Variants in RPE observed in about 807,000 individuals in gnomAD.
The protein encoded by RPE is ribulose-5-phosphate-3-epimerase, also known as ribulose-phosphate 3-epimerase.
A neutral mutation model predicts 24.6 loss-of-function variants in RPE; 16 were observed. The observed-to-expected ratio is 0.65, with a 90% CI of 0.44 to 0.99. The LOEUF (loss-of-function observed/expected upper bound fraction) is 0.99. Ranked by LOEUF, RPE falls within the 50% of genes least tolerant of loss-of-function variation. RPE has a pLI of 0.00. For synonymous variants in RPE, 93 were observed against 98.4 expected, an observed-to-expected ratio of 0.94 and a Z score of 0.33; for missense variants, 240 against 294.5, an observed-to-expected ratio of 0.81 and a Z score of 1.35.
chr2:210,008,301 T>G (rs1317142778), intron 1 of RPE, among the ~76,000 whole-genome samples: 5 of 150,318 alleles, frequency 3.3e-5, no homozygotes, highest in Middle Eastern at 3.4e-3. Flanking sequence ...TGTTTTTTTT[T>G]TTTTTTTTTT....
chr2:210,018,167 A>AT (rs2093804923), intron 5 of RPE: 1 of 1,534,838 alleles, frequency 6.5e-7, no homozygotes, highest in Non-Finnish European at 8.7e-7. Context: ...TTGGAAGATC[A>AT]TTAAGTTTCA....
chr2:210,013,906 G>A (rs1482962195), intron 2 of RPE, among the ~76,000 whole-genome samples: 1 of 152,122 alleles, frequency 6.6e-6, no homozygotes, highest in East Asian at 1.9e-4. Flanking sequence ...TATAATAGAT[G>A]ATAGAATGAT....
In RPE at chr2:210,019,821, T is replaced by G. The variant is rs2093834972; in HGVS notation, c.*30T>G. The G allele has an allele frequency of 1.2e-6, 2 of 1,600,750 alleles. No homozygotes were observed. Among genetic ancestry groups the G allele is most frequent in the Admixed American group, 3.5e-5 (2 of 57,786 alleles). On this transcript the variant is annotated 3_prime_UTR_variant, in exon 6 of 6. Coordinates refer to ENST00000359429, the MANE Select transcript of RPE (RefSeq NM_199229.3). Reference sequence around the variant, plus strand: ...ATAAGGAGCCCAGTGTTCCTGTTCATGAAATCTCCCTTTTACTGGAAAACA... The same window carrying G: ...ATAAGGAGCCCAGTGTTCCTGTTCAGGAAATCTCCCTTTTACTGGAAAACA...
In RPE at chr2:210,017,493, G is replaced by T. The variant is rs780210815; in HGVS notation, c.498G>T (p.Gln166His). ...MMPKVHWLRT[Q>H]FPSLDIEVDG... is the part of the protein sequence containing the mutation. ...TCTAGGTTCACTGGTTGAGGACCCA[G>T]TTCCCATCTTTGGATATAGAGGTCG... The change falls in exon 5 of 6, where the codon CAG becomes CAT. Residue 166 changes from glutamine to histidine, a missense_variant. Physicochemically the swap from Gln to His is conservative, Grantham distance 24. Transcript: ENST00000359429. 2.0e-6 allele frequency: 3 copies of T among 1,515,078 alleles called. No homozygotes were observed. The highest frequency in any genetic ancestry group is 2.2e-5 in the South Asian group (2 of 89,566). 93.9% of individuals were successfully genotyped at this position (1,515,078 alleles called of 1,614,324 possible).
intron 2 of RPE, among the ~76,000 whole-genome samples, chr2:210,015,362 G>A (rs1434751072): frequency 6.6e-6 from 1 of 152,190 alleles, no homozygotes; most frequent in Admixed American, 6.5e-5. Flanking sequence ...GCAGAATGCT[G>A]AAGGGTTTCT....
intron 5 of RPE, chr2:210,018,721 A>G: frequency 1.0e-6 from 1 of 985,126 alleles, no homozygotes. Context: ...GAGGTAGCAA[A>G]TTTTTTGTGT....
intron 1 of RPE, among the ~76,000 whole-genome samples, chr2:210,005,946 T>C (rs1478127179): frequency 1.3e-5 from 2 of 152,148 alleles, no homozygotes; most frequent in African/African-American, 4.8e-5. Context: ...CTGCAGTAGA[T>C]TGTGTTAGAA....
chr2:210,004,761 GA>G (rs1210647574), intron 1 of RPE, among the ~76,000 whole-genome samples: 1 of 152,136 alleles, frequency 6.6e-6, no homozygotes, highest in Non-Finnish European at 1.5e-5. Flanking sequence ...CCGAATGAAT[GA>G]ATAGCTTAAT....
At position 210,019,782 on chromosome 2, in the gene RPE, T is replaced by C. The variant is rs1180250298; in HGVS notation, c.678T>C (p.Leu226=). Residue 226 remains leucine, a synonymous_variant, in exon 6 of 6, where the codon CTT becomes CTC. Transcript: ENST00000359429. ...CAGAAGCTGCTCAGAAACGTTCTCTTGATCGGTGAAACCATAAGGAGCCCA... is the reference window on the plus strand; with the variant it reads ...CAGAAGCTGCTCAGAAACGTTCTCTCGATCGGTGAAACCATAAGGAGCCCA... ...VCSEAAQKRS[L]DR is the part of the protein sequence containing the mutation. 6.2e-7 allele frequency: 1 copy of C among 1,612,602 alleles called. No homozygotes were observed.
At position 210,018,449 on chromosome 2, in the gene RPE, C is replaced by T; in HGVS notation, c.564+890C>T. 3.0e-6 allele frequency: 3 copies of T among 984,456 alleles called. No individual in the cohort carries two copies. The South Asian group carries it at 1.4e-4, about 46-fold the overall frequency. The allele number at this position is 984,456 out of a possible 1,614,324, so 61.0% of individuals were successfully genotyped here. On this transcript the variant is annotated intron_variant, in intron 5 of 5. Coordinates refer to ENST00000359429, the MANE Select transcript of RPE (RefSeq NM_199229.3). ...TAGCATAGTCAGGCTCCTGAGGATG[C>T]CAGCCCTTCTGGTAGCACTGCAAGT...
intron 4 of RPE, 104 bp from the exon 5 acceptor site, chr2:210,017,369 T>C: frequency 1.2e-6 from 1 of 831,206 alleles, no homozygotes; most frequent in Non-Finnish European, 2.0e-6. Flanking sequence ...GAGTTTTAAT[T>C]GCTAATATTT....
At position 210,004,511 on chromosome 2, in the gene RPE, A is replaced by G. The variant is rs111813041; in HGVS notation, c.122+1728A>G. Among the ~76,000 whole-genome samples the G allele has an allele frequency of 3.7e-3, 560 of 152,354 alleles. 6 individuals carry two copies. The highest frequency in any genetic ancestry group is 0.013 in the African/African-American group (529 of 41,586). ...GCAATGCAACAGCTTGTGTTGTCTC[A>G]AATGAAATGCTTTCTGTGGTTCCTA... is the stretch of plus-strand genomic sequence containing the variant. On this transcript the variant is annotated intron_variant, in intron 1 of 5. Transcript: ENST00000359429.
chr2:210,008,561 G>C (rs2093661209), intron 1 of RPE, among the ~76,000 whole-genome samples: 1 of 148,580 alleles, frequency 6.7e-6, no homozygotes, highest in African/African-American at 2.5e-5. Flanking sequence ...CCAAAGTGCT[G>C]GGATTACAGG....
chr2:210,004,368 C>T (rs1246897367), intron 1 of RPE, among the ~76,000 whole-genome samples: 1 of 152,034 alleles, frequency 6.6e-6, no homozygotes, highest in Non-Finnish European at 1.5e-5. Context: ...CTCAAACAAC[C>T]GTTTGAAATT....
At position 210,019,884 on chromosome 2, in the gene RPE, G is replaced by A. The variant is rs1276700746; in HGVS notation, c.*93G>A. On this transcript the variant is annotated 3_prime_UTR_variant, in exon 6 of 6. Transcript: ENST00000359429. ...ACCAAATCACAATGCAATTGAAGCC[G>A]TACTGCTTTTTTGAGCAGTTATTCA... 24 of 1,444,720 alleles carry A rather than the reference G, an allele frequency of 1.7e-5. No homozygotes were observed. The highest frequency in any genetic ancestry group is 1.3e-4 in the South Asian group (9 of 70,036). 89.5% of individuals were successfully genotyped at this position (1,444,720 alleles called of 1,614,324 possible). A position where few individuals can be genotyped will look rare whatever the true frequency, so the allele number is the denominator to read the frequency against.
rs1240516054 is a variant in RPE at position 210,020,606 on chromosome 2, G to A, written c.*815G>A. ...ATTAAATGTAATTATAGCAACTGTG[G>A]GGTTCTGTTGAGAATTAAGAGCTAA... On this transcript the variant is annotated 3_prime_UTR_variant, in exon 6 of 6. Transcript: ENST00000359429. 6.0e-6 allele frequency: 1 copy of A among 166,692 alleles called. No individual in the cohort carries two copies. Among genetic ancestry groups the A allele is most frequent in the African/African-American group, 2.4e-5 (1 of 41,398 alleles). The allele number at this position is 166,692 out of a possible 1,614,324, so 10.3% of individuals were successfully genotyped here.
Position 210,019,667 on chromosome 2 carries a change from A to T in RPE, c.565-2A>T. The T allele has an allele frequency of 6.2e-7, 1 of 1,611,854 alleles. No homozygotes were observed. The highest frequency in any genetic ancestry group is 8.5e-7 in the Non-Finnish European group (1 of 1,178,756). On this transcript the variant is annotated splice_acceptor_variant, in intron 5 of 5. Coordinates refer to ENST00000359429, the MANE Select transcript of RPE (RefSeq NM_199229.3). LOFTEE classifies it high-confidence loss of function. Reference sequence around the variant, plus strand: ...CATAACCTAACTGTTTACTTCTTCCAGGCAGGAGCTAACATGATTGTGTCT... The same window carrying T: ...CATAACCTAACTGTTTACTTCTTCCTGGCAGGAGCTAACATGATTGTGTCT...
chr2:210,015,661 T>C (rs1027520786), intron 2 of RPE, among the ~76,000 whole-genome samples: 2 of 152,206 alleles, frequency 1.3e-5, no homozygotes, highest in African/African-American at 4.8e-5. Flanking sequence ...GTATGACTTA[T>C]TCTTTAAGTT....
intron 2 of RPE, among the ~76,000 whole-genome samples, chr2:210,012,512 A>G (rs2093714376): frequency 6.6e-6 from 1 of 152,228 alleles, no homozygotes; most frequent in Non-Finnish European, 1.5e-5. Flanking sequence ...AGTGCATATA[A>G]AGTGCTTGTG....
Sources: gnomAD v4.1 joint callset for allele counts (sites outside exome capture counted in the v4.1 genomes callset) on GRCh38, gnomAD v4.1.1 for gene constraint, MANE v1.5 for transcripts, NCBI Gene and HGNC (gene_info 2026-07-23, HGNC 2026-07-21) for gene names.